ZSWIM6: variants seen among roughly 807,000 people sequenced by gnomAD.
The protein encoded by ZSWIM6 is zinc finger SWIM domain-containing protein 6.
ZSWIM6 carries 9 observed loss-of-function variants against 113.2 expected under a neutral mutation model. The observed-to-expected ratio is 0.08, with a 90% CI of 0.05 to 0.14. The LOEUF (loss-of-function observed/expected upper bound fraction) is 0.14, where lower values mean the gene tolerates loss of function less well. ZSWIM6 is among the 10% of genes least tolerant of loss of function. The pLI is 1.00. For synonymous variants in ZSWIM6, 611 were observed against 606.5 expected, an observed-to-expected ratio of 1.01 and a Z score of -0.11; for missense variants, 1,162 against 1,552.2, an observed-to-expected ratio of 0.75 and a Z score of 4.22.
At chr5:61,409,073 T>G (rs1579981074) in intron 1 of ZSWIM6, among the ~76,000 whole-genome samples, 1 of 107,604 alleles carries the variant, frequency 9.3e-6, no homozygotes, top group East Asian at 2.0e-4. Context: ...GGGGAAAGGT[T>G]TTTTTTTTTT....
chr5:61,500,129 C>CATT (rs1748426852), intron 4 of ZSWIM6, among the ~76,000 whole-genome samples: 3 of 63,856 alleles, frequency 4.7e-5, no homozygotes, highest in Middle Eastern at 6.5e-3. Context: ...TTATTATTAT[C>CATT]ATTATCATTA....
intron 4 of ZSWIM6, among the ~76,000 whole-genome samples, chr5:61,502,769 C>A (rs1034717824): frequency 1.3e-5 from 2 of 152,064 alleles, no homozygotes; most frequent in Non-Finnish European, 2.9e-5. Flanking sequence ...GCATTAGATT[C>A]TCATAGGAGC....
At chr5:61,510,263 A>G (rs955436774) in intron 4 of ZSWIM6, among the ~76,000 whole-genome samples, 1 of 151,920 alleles carries the variant, frequency 6.6e-6, no homozygotes, top group East Asian at 1.9e-4. Flanking sequence ...TTTGGTGGAA[A>G]AGATTGGCTT....
At chr5:61,403,529 C>G (rs981029827) in intron 1 of ZSWIM6, among the ~76,000 whole-genome samples, 1 of 152,190 alleles carries the variant, frequency 6.6e-6, no homozygotes, top group African/African-American at 2.4e-5. Flanking sequence ...ACTATGAGCC[C>G]TATAGCTCCT....
chr5:61,448,735 G>T (rs1361104876), intron 1 of ZSWIM6, among the ~76,000 whole-genome samples: 1 of 152,072 alleles, frequency 6.6e-6, no homozygotes, highest in African/African-American at 2.4e-5. Context: ...ATGGGGGTAT[G>T]ATAAGAATAT....
At chr5:61,355,308 G>A (rs868423365) in intron 1 of ZSWIM6, among the ~76,000 whole-genome samples, 9 of 152,224 alleles carry the variant, frequency 5.9e-5, no homozygotes, top group Middle Eastern at 6.8e-3. Flanking sequence ...CTTTGGGCTA[G>A]AGAAAGTCAA....
At chr5:61,422,554 T>C (rs1302032431) in intron 1 of ZSWIM6, among the ~76,000 whole-genome samples, 3 of 152,210 alleles carry the variant, frequency 2.0e-5, no homozygotes, top group African/African-American at 4.8e-5. Context: ...TTTGGGTCTT[T>C]TGTGGTTCCA....
chr5:61,519,721 C>G (rs1046459005), intron 4 of ZSWIM6, among the ~76,000 whole-genome samples: 20 of 152,044 alleles, frequency 1.3e-4, no homozygotes, highest in African/African-American at 4.6e-4. Context: ...TTGATAAAAG[C>G]TATTTGATAT....
intron 1 of ZSWIM6, among the ~76,000 whole-genome samples, chr5:61,417,947 T>C (rs1746288584): frequency 6.6e-6 from 1 of 152,184 alleles, no homozygotes; most frequent in Non-Finnish European, 1.5e-5. Flanking sequence ...GTTTTAGAAT[T>C]CGAAGGTACT....
intron 11 of ZSWIM6, 39 bp downstream of exon 11, chr5:61,539,010 G>A (rs1211338161): frequency 5.5e-6 from 8 of 1,444,160 alleles, no homozygotes; most frequent in South Asian, 3.0e-5. Context: ...TGTTTCATTC[G>A]TTTGCCTGTT....
At chr5:61,348,004 G>A (rs1430695822) in intron 1 of ZSWIM6, among the ~76,000 whole-genome samples, 9 of 152,126 alleles carry the variant, frequency 5.9e-5, no homozygotes, top group Non-Finnish European at 1.0e-4. Flanking sequence ...GGTGGATCAC[G>A]AGGTTAGGAG....
At chr5:61,394,785 G>C (rs537963851) in intron 1 of ZSWIM6, among the ~76,000 whole-genome samples, 1 of 152,302 alleles carries the variant, frequency 6.6e-6, no homozygotes, top group African/African-American at 2.4e-5. Flanking sequence ...AGTAAAGCTT[G>C]TGCAAAAATG....
chr5:61,385,225 C>T (rs1473441312), intron 1 of ZSWIM6, among the ~76,000 whole-genome samples: 1 of 152,134 alleles, frequency 6.6e-6, no homozygotes, highest in Non-Finnish European at 1.5e-5. Flanking sequence ...ATATTCTCTT[C>T]AAGAAGACAA....
Position 61,543,975 on chromosome 5 carries a change from G to T in ZSWIM6, c.3306G>T (p.Thr1102=), listed in dbSNP as rs999132792. 6.4e-7 allele frequency: 1 copy of T among 1,551,678 alleles called. No homozygotes were observed. Among genetic ancestry groups the T allele is most frequent in the East Asian group, 2.4e-5 (1 of 40,912 alleles). ...TGGTCAAGAGTGTCAAGTGTGCAAC[G>T]GTACTGTCAGACATTTTGCGCAGAT... ...PLVVKSVKCA[T]VLSDILRRCT... Residue 1102 remains threonine (T), a synonymous_variant, in exon 14 of 14, where the codon ACG becomes ACT. Coordinates refer to ENST00000252744, the MANE Select transcript of ZSWIM6 (RefSeq NM_020928.2). The surrounding 1 kb of genome is among the most constrained non-coding windows in gnomAD (Gnocchi z 4.3).
At chr5:61,538,292 G>A (rs1481624391) in intron 10 of ZSWIM6, among the ~76,000 whole-genome samples, 1 of 152,156 alleles carries the variant, frequency 6.6e-6, no homozygotes, top group Admixed American at 6.5e-5. Flanking sequence ...ATGAATGGAT[G>A]GAAAAGAGGT....
intron 1 of ZSWIM6, 61 bp downstream of exon 1, chr5:61,333,009 G>GGGGGGGGC: frequency 6.8e-6 from 3 of 439,886 alleles, no homozygotes; most frequent in Non-Finnish European, 9.6e-6. Flanking sequence ...TGGGGGGGGG[G>GGGGGGGGC]TGCCCGCCTT....
Position 61,544,343 on chromosome 5 carries a change from G to C in ZSWIM6, c.*26G>C, listed in dbSNP as rs755897542. 1 of 126,268 alleles carries C rather than the reference G, an allele frequency of 7.9e-6. No homozygotes were observed. Among genetic ancestry groups the C allele is most frequent in the Non-Finnish European group, 1.6e-5 (1 of 62,298 alleles). 7.8% of individuals were successfully genotyped at this position (126,268 alleles called of 1,614,324 possible). A position where few individuals can be genotyped will look rare whatever the true frequency, so the allele number is the denominator to read the frequency against. The stretch of plus-strand genomic sequence containing the variant: ...TAGATCTTGTATGAATGGGGTGGGG[G>C]GTGGGGATGGGAGGGATGGTTTGTT... On this transcript the variant is annotated 3_prime_UTR_variant, in exon 14 of 14. Transcript: ENST00000252744.
chr5:61,342,124 C>A (rs1251451348), intron 1 of ZSWIM6, among the ~76,000 whole-genome samples: 1 of 152,064 alleles, frequency 6.6e-6, no homozygotes, highest in Non-Finnish European at 1.5e-5. Flanking sequence ...AAGTGATCCA[C>A]CCACCTCGGC....
At chr5:61,351,919 T>C (rs1744793169) in intron 1 of ZSWIM6, among the ~76,000 whole-genome samples, 1 of 152,236 alleles carries the variant, frequency 6.6e-6, no homozygotes, top group African/African-American at 2.4e-5. Flanking sequence ...TTGCAAACTT[T>C]AGACAGGCAG....
Sources: allele counts gnomAD v4.1 joint callset (sites outside exome capture counted in the v4.1 genomes callset), GRCh38; gene constraint gnomAD v4.1.1; non-coding constraint Gnocchi (gnomAD v3.1); transcripts MANE v1.5; gene names NCBI Gene and HGNC (gene_info 2026-07-23, HGNC 2026-07-21).